Variants in GBX1 observed in about 807,000 individuals in gnomAD.
The protein encoded by GBX1 is homeobox protein GBX-1.
A neutral mutation model predicts 22.9 loss-of-function variants in GBX1; 9 were observed. That is an observed-to-expected ratio of 0.39 (90% CI 0.24 to 0.69). The LOEUF is 0.69. GBX1 is among the 30% of genes least tolerant of loss of function. The probability of loss-of-function intolerance (pLI) is 0.43; values close to 1 mark genes in which losing one functional copy is unlikely to be tolerated. For missense variants in GBX1, 494 were observed against 509.2 expected (o/e 0.97, Z 0.29); for synonymous variants, 203 against 227.3 (o/e 0.89, Z 0.96).
At chr7:151,155,314 C>CA (rs1186059807) in intron 1 of GBX1, among the ~76,000 whole-genome samples, 1 of 152,114 alleles carries the variant, frequency 6.6e-6, no homozygotes, top group Admixed American at 6.5e-5. Context: ...GGTCATTCCT[C>CA]AAAAAAGAGA....
intron 1 of GBX1, among the ~76,000 whole-genome samples, chr7:151,151,643 C>T (rs1801080543): frequency 1.3e-5 from 2 of 152,292 alleles, no homozygotes; most frequent in Admixed American, 6.5e-5. Flanking sequence ...CATCTTTTTA[C>T]TCCTCTCTCT....
intron 1 of GBX1, among the ~76,000 whole-genome samples, chr7:151,154,936 A>G (rs575845972): frequency 3.3e-5 from 5 of 152,336 alleles, no homozygotes; most frequent in Admixed American, 2.6e-4. Flanking sequence ...CGCTAGAGGC[A>G]CCGAGGAGGA....
At chr7:151,166,940 C>G (rs529738402) in intron 1 of GBX1, 71 bp downstream of exon 1, 24 of 1,513,136 alleles carry the variant, frequency 1.6e-5, no homozygotes, top group Non-Finnish European at 1.9e-5. Context: ...GCCGAGGTTC[C>G]GAGCAGGTTC....
At chr7:151,165,636 C>A (rs1206875380) in intron 1 of GBX1, among the ~76,000 whole-genome samples, 1 of 152,188 alleles carries the variant, frequency 6.6e-6, no homozygotes, top group Non-Finnish European at 1.5e-5. Flanking sequence ...TCCTTATGAT[C>A]CCCCTTAGAA....
rs1476295035 is a variant in GBX1 at position 151,167,493 on chromosome 7, C to A, written c.56G>T (p.Gly19Val). 1 of 1,486,666 alleles carries A rather than the reference C, an allele frequency of 6.7e-7. No homozygotes were observed. Among genetic ancestry groups the A allele is most frequent in the South Asian group, 1.3e-5 (1 of 78,902 alleles). 92.1% of individuals were successfully genotyped at this position (1,486,666 alleles called of 1,614,324 possible). Reference sequence around the variant, plus strand: ...GATGGAGAAGGCAGTGCCCGGGCCCCCGCCGCCGCCCCCGCCGTTGCCCCC... The same window carrying A: ...GATGGAGAAGGCAGTGCCCGGGCCCACGCCGCCGCCCCCGCCGTTGCCCCC... ...APGGNGGGGG[G>V]GPGTAFSIDS... The change falls in exon 1 of 2, where the codon GGG becomes GTG. Residue 19 changes from glycine (G) to valine (V), a missense_variant. Around this residue, in one of 3 missense-constraint regions of GBX1, gnomAD observed 365 missense variants for 340.4 expected, o/e 1.07. Transcript: ENST00000297537. This position sits in a 1 kb window ranked among gnomAD's most constrained non-coding sequence, Gnocchi z 5.9.
chr7:151,154,216 A>T (rs1213727545), intron 1 of GBX1, among the ~76,000 whole-genome samples: 3 of 152,224 alleles, frequency 2.0e-5, no homozygotes, highest in African/African-American at 4.8e-5. Context: ...CGAAAAAAAA[A>T]AGTAAATTTC....
At chr7:151,151,671 C>A (rs906824809) in intron 1 of GBX1, among the ~76,000 whole-genome samples, 9 of 152,204 alleles carry the variant, frequency 5.9e-5, no homozygotes, top group African/African-American at 1.9e-4. Context: ...CACATCCAGT[C>A]CATCTACAAG....
rs751601645 is a variant in GBX1, at chr7:151,167,258, C to T, written c.291G>A (p.Ser97=). 6.4e-7 allele frequency: 1 copy of T among 1,550,416 alleles called. No individual in the cohort carries two copies. The highest frequency in any genetic ancestry group is 1.2e-5 in the South Asian group (1 of 83,778). The change falls in exon 1 of 2, where the codon TCG becomes TCA. Residue 97 remains serine (S), a synonymous_variant. Transcript: ENST00000297537. This position sits in a 1 kb window ranked among gnomAD's most constrained non-coding sequence, Gnocchi z 5.9. ...GCAGCGCGGTGGTCAGCGCCACCAT[C>T]GAGGGCACAGCCTGACCCAGCCCCG... ...FCAGLGQAVP[S]MVALTTALPS...
chr7:151,149,330 G>C lies in GBX1; in HGVS notation c.539-188C>G, dbSNP rs557725971. On this transcript the variant is annotated intron_variant, in intron 1 of 1. Coordinates refer to ENST00000297537, the MANE Select transcript of GBX1 (RefSeq NM_001098834.3). Reference sequence around the variant, plus strand: ...GATGGTATGTCCAGGATATGGAATGGGAAGAGGTTTAGGGAAAACAAAGAA... The same window carrying C: ...GATGGTATGTCCAGGATATGGAATGCGAAGAGGTTTAGGGAAAACAAAGAA... Among the ~76,000 whole-genome samples the C allele has an allele frequency of 3.3e-5, 5 of 152,276 alleles. No individual in the cohort carries two copies. The South Asian group carries it at 1.0e-3, about 32-fold the overall frequency.
At chr7:151,166,544 C>A (rs573060037) in intron 1 of GBX1, among the ~76,000 whole-genome samples, 2 of 142,288 alleles carry the variant, frequency 1.4e-5, no homozygotes, top group African/African-American at 5.4e-5. Context: ...CTATTCCTAT[C>A]CTTTGAGCCT....
Position 151,167,636 on chromosome 7 carries a change from G to A in GBX1, c.-88C>T. ...CTCGGGCGCCCCGCGCGGACACGCAGGGCTCGCTCCCTGGCTCCCGGGCCG... is the reference window on the plus strand; with the variant it reads ...CTCGGGCGCCCCGCGCGGACACGCAAGGCTCGCTCCCTGGCTCCCGGGCCG... On this transcript the variant is annotated 5_prime_UTR_variant, in exon 1 of 2. Coordinates refer to ENST00000297537, the MANE Select transcript of GBX1 (RefSeq NM_001098834.3). This position sits in a 1 kb window ranked among gnomAD's most constrained non-coding sequence, Gnocchi z 5.9. 1 of 1,182,752 alleles carries A rather than the reference G, an allele frequency of 8.5e-7. No individual in the cohort carries two copies. 73.3% of individuals were successfully genotyped at this position (1,182,752 alleles called of 1,614,324 possible). A position where few individuals can be genotyped will look rare whatever the true frequency, so the allele number is the denominator to read the frequency against.
chr7:151,148,964 G>T lies in GBX1; in HGVS notation c.717C>A (p.Ser239Arg). 1 of 1,613,916 alleles carries T rather than the reference G, an allele frequency of 6.2e-7. No individual in the cohort carries two copies. The highest frequency in any genetic ancestry group is 8.5e-7 in the Non-Finnish European group (1 of 1,180,004). Reference sequence around the variant, plus strand: ...CCCCCTCCTCAGCTCCAGTCCCCAGGCTTCCCTTTAGCTTCGGTTTAGGTC... The same window carrying T: ...CCCCCTCCTCAGCTCCAGTCCCCAGTCTTCCCTTTAGCTTCGGTTTAGGTC... Reference protein sequence around the residue: ...LLGPKPKLKGSLGTGAEEGAP... With the variant: ...LLGPKPKLKGRLGTGAEEGAP... Residue 239 changes from serine (S) to arginine (R), a missense_variant, in exon 2 of 2, where the codon AGC becomes AGA. This residue lies in a region of GBX1 where 365 missense variants were observed against 340.4 expected (regional missense o/e 1.07). Coordinates refer to ENST00000297537, the MANE Select transcript of GBX1 (RefSeq NM_001098834.3). The surrounding 1 kb of genome is among the most constrained non-coding windows in gnomAD (Gnocchi z 5.1).
Position 151,154,906 on chromosome 7 carries a change from C to T in GBX1, c.539-5764G>A, listed in dbSNP as rs539235056. On this transcript the variant is annotated intron_variant, in intron 1 of 1. Transcript: ENST00000297537. ...AGAACACAATGCCCTAGACTCACTC[C>T]ATCTAGGCAGGGAGGCCTGCGCTAG... Among the ~76,000 whole-genome samples, 6 of 152,282 alleles carry T rather than the reference C, an allele frequency of 3.9e-5. No individual in the cohort carries two copies. The South Asian group carries it at 1.2e-3, about 32-fold the overall frequency.
intron 1 of GBX1, among the ~76,000 whole-genome samples, chr7:151,159,305 C>T (rs567536788): frequency 1.3e-5 from 2 of 151,914 alleles, no homozygotes; most frequent in Non-Finnish European, 2.9e-5. Flanking sequence ...AGGCTGGTCT[C>T]GAACTCCTAG....
chr7:151,155,290 T>C (rs891075267), intron 1 of GBX1, among the ~76,000 whole-genome samples: 7 of 152,136 alleles, frequency 4.6e-5, no homozygotes, highest in Non-Finnish European at 8.8e-5. Flanking sequence ...GGTCAAAAGG[T>C]GGGAAGAAAC....
At chr7:151,160,891 G>C (rs560539747) in intron 1 of GBX1, among the ~76,000 whole-genome samples, 1 of 152,268 alleles carries the variant, frequency 6.6e-6, no homozygotes, top group South Asian at 2.1e-4. Flanking sequence ...AGAGAGCTCT[G>C]TCCTTTTCAC....
intron 1 of GBX1, among the ~76,000 whole-genome samples, chr7:151,157,666 T>C (rs1801151051): frequency 6.6e-6 from 1 of 152,152 alleles, no homozygotes; most frequent in Non-Finnish European, 1.5e-5. Context: ...CCTTCCCCCT[T>C]TTGCTCAGTA....
rs542752918 is a variant in GBX1 at position 151,166,483 on chromosome 7, C to G, written c.538+528G>C. Among the ~76,000 whole-genome samples, 4 of 125,216 alleles carry G rather than the reference C, an allele frequency of 3.2e-5. 1 individual carries two copies. The highest frequency in any genetic ancestry group is 6.6e-5 in the Non-Finnish European group (4 of 60,496). 82.1% of individuals were successfully genotyped at this position (125,216 alleles called of 152,430 possible). ...ACGGCTTTGAGACGCAACCCCCCCC[C>G]CCCAACACACACACACACACACACT... is the stretch of plus-strand genomic sequence containing the variant. On this transcript the variant is annotated intron_variant, in intron 1 of 1. Transcript: ENST00000297537.
At chr7:151,157,853 A>C (rs780885651) in intron 1 of GBX1, among the ~76,000 whole-genome samples, 33 of 152,222 alleles carry the variant, frequency 2.2e-4, no homozygotes, top group Non-Finnish European at 3.8e-4. Context: ...TAGTCATCCC[A>C]GGGTTTTATT....
Sources: gnomAD v4.1 joint callset for allele counts (sites outside exome capture counted in the v4.1 genomes callset) on GRCh38, gnomAD v4.1.1 for gene constraint, gnomAD v4.1.1 regional missense constraint, Gnocchi (gnomAD v3.1) non-coding constraint, MANE v1.5 for transcripts, NCBI Gene and HGNC (gene_info 2026-07-23, HGNC 2026-07-21) for gene names.